Variants in SPATA6 observed in about 807,000 individuals in gnomAD.
SPATA6 encodes spermatogenesis-associated protein 6.
Under a neutral mutation model 65.3 loss-of-function variants are expected in SPATA6, and 56 were observed. That is an observed-to-expected ratio of 0.86 (90% CI 0.69 to 1.07). SPATA6 has a LOEUF of 1.07. Ranked by LOEUF, SPATA6 falls within the 50% of genes least tolerant of loss-of-function variation. The pLI is 0.00. For missense variants in SPATA6, 590 were observed against 594.8 expected (o/e 0.99, Z 0.08); for synonymous variants, 199 against 213.2 (o/e 0.93, Z 0.58).
At chr1:48,303,219 T>A (rs1375426486) in intron 12 of SPATA6, among the ~76,000 whole-genome samples, 1 of 152,178 alleles carries the variant, frequency 6.6e-6, no homozygotes, top group Non-Finnish European at 1.5e-5. Flanking sequence ...GTGTAGTGAA[T>A]CAAATCATGG....
Position 48,298,576 on chromosome 1 carries a change from T to C in SPATA6, c.*137A>G. The C allele has an allele frequency of 2.6e-6, 2 of 761,342 alleles. No homozygotes were observed. Among genetic ancestry groups the C allele is most frequent in the Non-Finnish European group, 4.1e-6 (2 of 492,860 alleles). The allele number at this position is 761,342 out of a possible 1,614,324, so 47.2% of individuals were successfully genotyped here. A position where few individuals can be genotyped will look rare whatever the true frequency, so the allele number is the denominator to read the frequency against. ...TATGATAATTTACCATTTGAAGTAA[T>C]GAACTTATTCAAGTATAACTATTGT... On this transcript the variant is annotated 3_prime_UTR_variant, in exon 13 of 13. Transcript: ENST00000371847.
intron 11 of SPATA6, among the ~76,000 whole-genome samples, chr1:48,320,802 C>T (rs865947175): frequency 1.3e-5 from 2 of 151,760 alleles, no homozygotes; most frequent in African/African-American, 2.4e-5. Context: ...ATGAAGACAA[C>T]GACTTTTCAA....
chr1:48,387,778 A>G (rs1390010407), intron 8 of SPATA6, among the ~76,000 whole-genome samples: 1 of 152,172 alleles, frequency 6.6e-6, no homozygotes, highest in Non-Finnish European at 1.5e-5. Context: ...GCCTACACTC[A>G]TAGCCACTAC....
intron 11 of SPATA6, 52 bp downstream of exon 11, chr1:48,355,618 G>A: frequency 3.1e-6 from 4 of 1,306,580 alleles, no homozygotes; most frequent in Non-Finnish European, 4.3e-6. Context: ...ATCTTTGGTG[G>A]TTTTCTTGAC....
intron 12 of SPATA6, among the ~76,000 whole-genome samples, chr1:48,304,096 CG>C (rs1252681685): frequency 6.6e-6 from 1 of 152,132 alleles, no homozygotes; most frequent in Non-Finnish European, 1.5e-5. Context: ...GAAAGCAGAA[CG>C]GGAGGACTTC....
intron 1 of SPATA6, among the ~76,000 whole-genome samples, chr1:48,462,585 A>G (rs755741827): frequency 7.2e-5 from 11 of 152,212 alleles, no homozygotes; most frequent in Admixed American, 2.0e-4. Context: ...AAAATTTAAT[A>G]TGGAATTGAA....
At chr1:48,462,325 C>G (rs1304873551) in intron 1 of SPATA6, among the ~76,000 whole-genome samples, 1 of 151,774 alleles carries the variant, frequency 6.6e-6, no homozygotes, top group Non-Finnish European at 1.5e-5. Context: ...GCACATGTAC[C>G]CTAAAACTTA....
At chr1:48,282,692 G>A in the SPATA6 span, among the ~76,000 whole-genome samples, 2 of 152,192 alleles carry the variant, frequency 1.3e-5, no homozygotes, top group Non-Finnish European at 2.9e-5. Flanking sequence ...AACAGGTGCT[G>A]GAGAGGATGT....
the SPATA6 span, among the ~76,000 whole-genome samples, chr1:48,282,765 G>A: frequency 6.6e-6 from 1 of 152,172 alleles, no homozygotes; most frequent in East Asian, 1.9e-4. Context: ...CATTGTGGAA[G>A]TCAGTGTGGC....
At chr1:48,416,314 A>G (rs768696802) in intron 3 of SPATA6, among the ~76,000 whole-genome samples, 3 of 152,172 alleles carry the variant, frequency 2.0e-5, no homozygotes, top group Non-Finnish European at 4.4e-5. Flanking sequence ...GAAACCATTC[A>G]AGCAAGAAGA....
chr1:48,467,185 T>C (rs988839599), intron 1 of SPATA6, among the ~76,000 whole-genome samples: 1 of 152,164 alleles, frequency 6.6e-6, no homozygotes, highest in African/African-American at 2.4e-5. Context: ...GTCATATGGC[T>C]CTGTTGGGCA....
At chr1:48,328,240 C>A (rs1645819967) in intron 11 of SPATA6, among the ~76,000 whole-genome samples, 1 of 152,054 alleles carries the variant, frequency 6.6e-6, no homozygotes, top group East Asian at 1.9e-4. Flanking sequence ...AATGGTAAGC[C>A]ATTATAAATA....
chr1:48,293,054 T>C (rs981326217), downstream of SPATA6, among the ~76,000 whole-genome samples: 6 of 152,230 alleles, frequency 3.9e-5, no homozygotes, highest in Non-Finnish European at 8.8e-5. Flanking sequence ...TGGGGTCATC[T>C]GAAGACCAGG....
chr1:48,460,308 C>T (rs1006546643), intron 1 of SPATA6, among the ~76,000 whole-genome samples: 4 of 152,060 alleles, frequency 2.6e-5, no homozygotes, highest in African/African-American at 4.8e-5. Context: ...ATTAAATCTT[C>T]GAAATTCTTT....
At chr1:48,451,496 G>A (rs939701898) in intron 3 of SPATA6, 56 bp downstream of exon 3, 18 of 1,521,846 alleles carry the variant, frequency 1.2e-5, no homozygotes, top group Admixed American at 1.9e-5. Flanking sequence ...AAGATCATAA[G>A]GATAATAAAT....
At chr1:48,428,820 T>TATA (rs1357970319) in intron 3 of SPATA6, among the ~76,000 whole-genome samples, 1 of 148,894 alleles carries the variant, frequency 6.7e-6, no homozygotes, top group Non-Finnish European at 1.5e-5. Context: ...TATATGTATA[T>TATA]ATATGTGTGT....
chr1:48,417,317 A>G (rs985642440), intron 3 of SPATA6, among the ~76,000 whole-genome samples: 1 of 152,218 alleles, frequency 6.6e-6, no homozygotes, highest in Non-Finnish European at 1.5e-5. Flanking sequence ...CAATGTTATA[A>G]TCTGTTTTTT....
chr1:48,379,895 C>T (rs75140132), intron 9 of SPATA6, among the ~76,000 whole-genome samples: 3,779 of 152,140 alleles, frequency 0.025, 99 homozygotes, highest in African/African-American at 0.067. Context: ...ATATGCTTTA[C>T]GTGTATGATA....
intron 3 of SPATA6, chr1:48,448,033 A>G (rs1656220433): frequency 6.6e-6 from 1 of 152,066 alleles, no homozygotes; most frequent in Non-Finnish European, 1.5e-5. Context: ...TCTGTAATCA[A>G]TCATCTATGC....
Sources: gnomAD v4.1 joint callset for allele counts (sites outside exome capture counted in the v4.1 genomes callset) on GRCh38, gnomAD v4.1.1 for gene constraint, MANE v1.5 for transcripts, NCBI Gene and HGNC (gene_info 2026-07-23, HGNC 2026-07-21) for gene names.